THSD4: variants seen among roughly 807,000 people sequenced by gnomAD.
THSD4 encodes the protein thrombospondin type-1 domain-containing protein 4.
THSD4 carries 69 observed loss-of-function variants against 119.0 expected under a neutral mutation model. The observed-to-expected ratio is 0.58, with a 90% CI of 0.48 to 0.71. THSD4 has a LOEUF of 0.71. Ranked by LOEUF, THSD4 falls within the 30% of genes least tolerant of loss-of-function variation. The probability of loss-of-function intolerance (pLI) is 0.00; values close to 1 mark genes in which losing one functional copy is unlikely to be tolerated. For missense variants in THSD4, 1,393 were observed against 1,391.1 expected (o/e 1.00, Z -0.02); for synonymous variants, 524 against 540.4 (o/e 0.97, Z 0.42).
chr15:71,691,058 C>T (rs74984523), intron 8 of THSD4, among the ~76,000 whole-genome samples: 43 of 152,194 alleles, frequency 2.8e-4, no homozygotes, highest in Non-Finnish European at 4.6e-4. Flanking sequence ...GTAGAAGGGG[C>T]AGGACGAAGA....
intron 6 of THSD4, among the ~76,000 whole-genome samples, chr15:71,362,633 T>G (rs1231416229): frequency 6.6e-6 from 1 of 152,198 alleles, no homozygotes; most frequent in African/African-American, 2.4e-5. Context: ...TTTAGTATTC[T>G]TGAACTATTT....
intron 7 of THSD4, among the ~76,000 whole-genome samples, chr15:71,441,631 A>G (rs1018950463): frequency 2.2e-4 from 33 of 151,918 alleles, no homozygotes; most frequent in South Asian, 6.2e-4. Flanking sequence ...CTGACCTCGT[A>G]ATCTGCCCGC....
chr15:71,521,298 G>C (rs377763000), intron 7 of THSD4, among the ~76,000 whole-genome samples: 1 of 152,092 alleles, frequency 6.6e-6, no homozygotes, highest in Non-Finnish European at 1.5e-5. Flanking sequence ...TTTCTATTAA[G>C]ATGTTTTAGT....
At chr15:71,480,654 C>T (rs1043243244) in intron 7 of THSD4, among the ~76,000 whole-genome samples, 40 of 152,320 alleles carry the variant, frequency 2.6e-4, no homozygotes, top group African/African-American at 8.4e-4. Flanking sequence ...ATCTTCTCAT[C>T]GCGTTGCCAG....
chr15:71,290,892 T>TG (rs1555461134), intron 6 of THSD4, among the ~76,000 whole-genome samples: 5 of 145,848 alleles, frequency 3.4e-5, no homozygotes, highest in Admixed American at 1.4e-4. Context: ...TTTTTTTTTT[T>TG]GTTAACTTTT....
intron 3 of THSD4, among the ~76,000 whole-genome samples, chr15:71,160,996 T>G (rs1034896374): frequency 6.6e-6 from 1 of 152,078 alleles, no homozygotes; most frequent in Non-Finnish European, 1.5e-5. Context: ...ATTTCCCTTT[T>G]AATTTCTTCA....
chr15:71,137,798 A>G (rs568513508), intron 1 of THSD4, among the ~76,000 whole-genome samples: 37 of 152,344 alleles, frequency 2.4e-4, no homozygotes, highest in African/African-American at 8.2e-4. Context: ...GTGGCCTCCA[A>G]TAATTTTTTT....
chr15:71,538,262 T>C (rs895986600), intron 7 of THSD4, among the ~76,000 whole-genome samples: 2 of 152,242 alleles, frequency 1.3e-5, no homozygotes, highest in African/African-American at 4.8e-5. Context: ...AAACCTATAA[T>C]CCACCTGCAA....
intron 7 of THSD4, among the ~76,000 whole-genome samples, chr15:71,540,578 G>A (rs566046192): frequency 1.4e-5 from 2 of 139,444 alleles, no homozygotes; most frequent in Non-Finnish European, 3.0e-5. Context: ...ACAAGCACGT[G>A]CCACCACACT....
chr15:71,513,304 T>C (rs2048309911), intron 7 of THSD4, among the ~76,000 whole-genome samples: 1 of 152,130 alleles, frequency 6.6e-6, no homozygotes, highest in Admixed American at 6.5e-5. Flanking sequence ...CATAGACTGT[T>C]ACAGCATTGT....
intron 7 of THSD4, among the ~76,000 whole-genome samples, chr15:71,489,199 A>G (rs2047872404): frequency 6.6e-6 from 1 of 152,158 alleles, no homozygotes; most frequent in Admixed American, 6.6e-5. Context: ...AATATGATAG[A>G]GGTGTGGAGT....
chr15:71,467,845 G>GTTTTTTTTT (rs34603517), intron 7 of THSD4, among the ~76,000 whole-genome samples: 1 of 143,684 alleles, frequency 7.0e-6, no homozygotes, highest in Non-Finnish European at 1.5e-5. Context: ...AGATATGATG[G>GTTTTTTTTT]TTTTTTTTTT....
chr15:71,766,340 G>A (rs1172345663), intron 16 of THSD4, among the ~76,000 whole-genome samples: 3 of 152,086 alleles, frequency 2.0e-5, no homozygotes, highest in Non-Finnish European at 4.4e-5. Flanking sequence ...GTGGGAAGTG[G>A]AGGAAGGGTC....
At chr15:71,503,761 A>G (rs1216333906) in intron 7 of THSD4, among the ~76,000 whole-genome samples, 1 of 152,132 alleles carries the variant, frequency 6.6e-6, no homozygotes, top group Admixed American at 6.5e-5. Context: ...GTCACTCTCC[A>G]GGGTTGTTGG....
chr15:71,632,675 T>A (rs2140947760), intron 7 of THSD4, among the ~76,000 whole-genome samples: 1 of 152,366 alleles, frequency 6.6e-6, no homozygotes, highest in Non-Finnish European at 1.5e-5. Flanking sequence ...CACATTTTTG[T>A]GTGTGATGTT....
At chr15:71,425,867 G>A (rs1016686189) in intron 7 of THSD4, among the ~76,000 whole-genome samples, 2 of 152,224 alleles carry the variant, frequency 1.3e-5, no homozygotes, top group South Asian at 4.1e-4. Context: ...AAGCCCCCTT[G>A]GCCAAATACC....
At chr15:71,415,092 G>T (rs549882345) in intron 7 of THSD4, among the ~76,000 whole-genome samples, 1 of 152,370 alleles carries the variant, frequency 6.6e-6, no homozygotes, top group African/African-American at 2.4e-5. Context: ...CTTGCAGACA[G>T]TTTTCCCTAA....
intron 8 of THSD4, among the ~76,000 whole-genome samples, chr15:71,674,508 G>C (rs1017227811): frequency 3.0e-4 from 46 of 152,264 alleles, no homozygotes; most frequent in Admixed American, 5.2e-4. Context: ...TGCACTCATG[G>C]GAGGCATGCT....
intron 6 of THSD4, among the ~76,000 whole-genome samples, chr15:71,362,970 T>TA (rs11287381): frequency 0.016 from 2,099 of 134,994 alleles, 60 homozygotes; most frequent in African/African-American, 0.054. Context: ...GCTGATGAGC[T>TA]AAAAAAAAAA....
Sources: gnomAD v4.1 joint callset for allele counts (sites outside exome capture counted in the v4.1 genomes callset) on GRCh38, gnomAD v4.1.1 for gene constraint, MANE v1.5 for transcripts, NCBI Gene and HGNC (gene_info 2026-07-23, HGNC 2026-07-21) for gene names.